AGBL1: variants seen among roughly 807,000 people sequenced by gnomAD.
AGBL1 encodes AGBL carboxypeptidase 1.
Under a neutral mutation model 118.9 loss-of-function variants are expected in AGBL1, and 130 were observed. The ratio of observed to expected loss-of-function variants is 1.09; its 90% confidence interval spans 0.95 to 1.26. The LOEUF (loss-of-function observed/expected upper bound fraction) is 1.26. Ranked by LOEUF, AGBL1 falls within the 50% of genes most tolerant of loss-of-function variation. AGBL1 has a pLI of 0.00. For synonymous variants in AGBL1, 555 were observed against 478.9 expected, an observed-to-expected ratio of 1.16 and a Z score of -2.08; for missense variants, 1,584 against 1,298.1, an observed-to-expected ratio of 1.22 and a Z score of -3.38.
chr15:86,169,852 A>G (rs148014845), intron 5 of AGBL1, among the ~76,000 whole-genome samples: 1 of 152,322 alleles, frequency 6.6e-6, no homozygotes, highest in Non-Finnish European at 1.5e-5. Context: ...TGGTCCTGCC[A>G]AACAAATATT....
intron 22 of AGBL1, among the ~76,000 whole-genome samples, chr15:86,839,323 T>C (rs1476272998): frequency 1.3e-5 from 2 of 152,214 alleles, no homozygotes; most frequent in Non-Finnish European, 2.9e-5. Context: ...AGTCTTGCTT[T>C]AGTAATCGTC....
chr15:86,306,628 G>A (rs2079845798), intron 17 of AGBL1, among the ~76,000 whole-genome samples: 2 of 152,114 alleles, frequency 1.3e-5, no homozygotes, highest in African/African-American at 4.8e-5. Context: ...AATGAACATA[G>A]GAGTGCAAAT....
chr15:86,631,955 C>T (rs535283199), intron 21 of AGBL1, among the ~76,000 whole-genome samples: 6 of 151,532 alleles, frequency 4.0e-5, no homozygotes, highest in South Asian at 2.1e-4. Flanking sequence ...TTGAGAGGCC[C>T]GAGGCAGAAG....
chr15:86,436,597 G>C (rs995743785), intron 18 of AGBL1, among the ~76,000 whole-genome samples: 3 of 152,146 alleles, frequency 2.0e-5, no homozygotes, highest in Non-Finnish European at 4.4e-5. Flanking sequence ...ATTGTAAATA[G>C]AGTGACGAAG....
At chr15:86,091,620 C>T (rs191729788) in intron 1 of AGBL1, among the ~76,000 whole-genome samples, 62 of 152,280 alleles carry the variant, frequency 4.1e-4, no homozygotes, top group Admixed American at 1.5e-3. Flanking sequence ...AGACACTTTT[C>T]CCAGATAGAT....
intron 21 of AGBL1, among the ~76,000 whole-genome samples, chr15:86,584,036 T>C (rs920349142): frequency 1.3e-5 from 2 of 152,060 alleles, no homozygotes; most frequent in Non-Finnish European, 2.9e-5. Context: ...AATGGGGTTA[T>C]TTTTTTGTTG....
chr15:86,501,111 C>A (rs2142160263), intron 18 of AGBL1, among the ~76,000 whole-genome samples: 1 of 151,740 alleles, frequency 6.6e-6, no homozygotes, highest in Non-Finnish European at 1.5e-5. Context: ...GTGGCTGAAC[C>A]ACTTTATATT....
intron 23 of AGBL1, among the ~76,000 whole-genome samples, chr15:86,935,851 A>G (rs1168221567): frequency 6.6e-6 from 1 of 152,256 alleles, no homozygotes; most frequent in Admixed American, 6.5e-5. Context: ...GCCTGTAAAA[A>G]TGGCATTTCA....
At chr15:86,147,861 G>A (rs953101828) in intron 3 of AGBL1, among the ~76,000 whole-genome samples, 5 of 152,150 alleles carry the variant, frequency 3.3e-5, no homozygotes, top group African/African-American at 7.2e-5. Context: ...AGTAGGGGCC[G>A]ACTGACACCT....
intron 18 of AGBL1, among the ~76,000 whole-genome samples, chr15:86,470,690 T>A (rs1260523074): frequency 6.6e-6 from 1 of 152,188 alleles, no homozygotes; most frequent in Admixed American, 6.5e-5. Flanking sequence ...TCCCATTTAT[T>A]TGTGTCGTCT....
At chr15:86,993,021 A>C (rs2081348524) in intron 24 of AGBL1, among the ~76,000 whole-genome samples, 1 of 152,184 alleles carries the variant, frequency 6.6e-6, no homozygotes, top group Non-Finnish European at 1.5e-5. Flanking sequence ...ATCTAACTGG[A>C]ATAAACACTT....
intron 24 of AGBL1, among the ~76,000 whole-genome samples, chr15:87,025,680 C>A (rs1221923896): frequency 1.3e-5 from 2 of 151,364 alleles, no homozygotes; most frequent in Non-Finnish European, 3.0e-5. Context: ...AAAAAGAGTC[C>A]AAATAGCCAA....
intron 5 of AGBL1, among the ~76,000 whole-genome samples, chr15:86,180,036 A>C (rs537958302): frequency 6.9e-6 from 1 of 144,324 alleles, no homozygotes; most frequent in South Asian, 2.2e-4. Flanking sequence ...ACAATGTTGA[A>C]ACAAATGAAA....
At chr15:86,769,317 C>T (rs1214388692) in intron 22 of AGBL1, among the ~76,000 whole-genome samples, 1 of 151,828 alleles carries the variant, frequency 6.6e-6, no homozygotes, top group Admixed American at 6.6e-5. Context: ...TCTTCATTAT[C>T]CCAGGCTATC....
At chr15:86,986,428 G>A (rs889660257) in intron 23 of AGBL1, among the ~76,000 whole-genome samples, 12 of 151,960 alleles carry the variant, frequency 7.9e-5, no homozygotes, top group African/African-American at 2.4e-4. Flanking sequence ...TTTATAATAC[G>A]TTTTGAAATC....
At chr15:86,936,778 G>A (rs1265464487) in intron 23 of AGBL1, among the ~76,000 whole-genome samples, 2 of 152,136 alleles carry the variant, frequency 1.3e-5, no homozygotes, top group East Asian at 1.9e-4. Flanking sequence ...AAAAGCAATC[G>A]CAGTAAAAGC....
intron 5 of AGBL1, among the ~76,000 whole-genome samples, chr15:86,214,674 C>T (rs1409603849): frequency 1.3e-5 from 2 of 152,198 alleles, no homozygotes; most frequent in Admixed American, 6.5e-5. Context: ...CTGGGGATTC[C>T]CAAAAGCTTT....
chr15:86,264,932 G>A, intron 11 of AGBL1, 94 bp downstream of exon 11: 3 of 1,163,062 alleles, frequency 2.6e-6, no homozygotes, highest in Non-Finnish European at 3.5e-6. Flanking sequence ...CTATCTATAG[G>A]AAAGAGAGCA....
chr15:86,603,268 A>C (rs867625169), intron 21 of AGBL1, among the ~76,000 whole-genome samples: 8 of 152,282 alleles, frequency 5.3e-5, no homozygotes, highest in African/African-American at 1.9e-4. Context: ...TGGTTACAAC[A>C]CAAACCTTCC....
Sources: gnomAD v4.1 joint callset for allele counts (sites outside exome capture counted in the v4.1 genomes callset) on GRCh38, gnomAD v4.1.1 for gene constraint, MANE v1.5 for transcripts, NCBI Gene and HGNC (gene_info 2026-07-23, HGNC 2026-07-21) for gene names.